Variants in NAALADL2 observed in about 807,000 individuals in gnomAD.
NAALADL2 encodes the protein inactive N-acetylated-alpha-linked acidic dipeptidase-like protein 2.
A neutral mutation model predicts 87.2 loss-of-function variants in NAALADL2; 76 were observed. The ratio of observed to expected loss-of-function variants is 0.87; its 90% CI spans 0.72 to 1.05. The LOEUF is 1.05. Ranked by LOEUF, NAALADL2 falls within the 50% of genes least tolerant of loss-of-function variation. NAALADL2 has a pLI of 0.00. For missense variants in NAALADL2, 1,089 were observed against 945.8 expected, an observed-to-expected ratio of 1.15 and a Z score of -1.99; for synonymous variants, 354 against 331.0, an observed-to-expected ratio of 1.07 and a Z score of -0.75.
At chr3:174,461,731 T>C (rs1329441299) in intron 1 of NAALADL2, among the ~76,000 whole-genome samples, 1 of 152,128 alleles carries the variant, frequency 6.6e-6, no homozygotes, top group Non-Finnish European at 1.5e-5. Context: ...CTTAACATGA[T>C]GCTCTTGATA....
intron 1 of NAALADL2, among the ~76,000 whole-genome samples, chr3:174,962,433 G>GACTATGACATA (rs1742244873): frequency 1.9e-5 from 1 of 52,242 alleles, no homozygotes; most frequent in African/African-American, 6.4e-5. Flanking sequence ...ATATATATAT[G>GACTATGACATA]TATATTTTTA....
At chr3:175,281,470 A>G (rs1754303526) in intron 4 of NAALADL2, among the ~76,000 whole-genome samples, 1 of 151,934 alleles carries the variant, frequency 6.6e-6, no homozygotes, top group African/African-American at 2.4e-5. Flanking sequence ...CACTTTATCC[A>G]AATTTATTGA....
chr3:175,259,973 A>T (rs2109880177), intron 4 of NAALADL2, among the ~76,000 whole-genome samples: 1 of 152,170 alleles, frequency 6.6e-6, no homozygotes, highest in Non-Finnish European at 1.5e-5. Flanking sequence ...GGTTGTAGTG[A>T]GCCAGGATTT....
intron 1 of NAALADL2, among the ~76,000 whole-genome samples, chr3:175,048,511 T>A (rs1203952305): frequency 7.0e-6 from 1 of 142,446 alleles, no homozygotes; most frequent in African/African-American, 2.9e-5. Context: ...TAAAACCATT[T>A]TTTTTTTTTT....
At chr3:174,885,305 T>A (rs1274604601) in intron 1 of NAALADL2, among the ~76,000 whole-genome samples, 2 of 152,118 alleles carry the variant, frequency 1.3e-5, no homozygotes, top group African/African-American at 4.8e-5. Flanking sequence ...GAGATAAGAC[T>A]CTCATTCAGG....
At chr3:174,728,788 C>T (rs959407609) in intron 2 of NAALADL2, among the ~76,000 whole-genome samples, 3 of 151,936 alleles carry the variant, frequency 2.0e-5, no homozygotes, top group African/African-American at 4.8e-5. Context: ...TTAAGTTATT[C>T]GACTGAGAAG....
At chr3:175,456,356 C>T (rs1722320863) in intron 6 of NAALADL2, among the ~76,000 whole-genome samples, 1 of 151,992 alleles carries the variant, frequency 6.6e-6, no homozygotes, top group Admixed American at 6.6e-5. Context: ...ATTTTTATAT[C>T]TTGAAATCTT....
chr3:174,724,855 T>A (rs1406461541), intron 2 of NAALADL2, among the ~76,000 whole-genome samples: 1 of 152,158 alleles, frequency 6.6e-6, no homozygotes, highest in Non-Finnish European at 1.5e-5. Context: ...ATGTATTATA[T>A]CATTTTTAGT....
intron 2 of NAALADL2, among the ~76,000 whole-genome samples, chr3:175,129,181 G>A (rs1040628001): frequency 1.3e-5 from 2 of 151,812 alleles, no homozygotes; most frequent in African/African-American, 4.8e-5. Context: ...CTGGCTTCAT[G>A]TGATCTTCCT....
chr3:174,580,267 T>A (rs1716015417), intron 2 of NAALADL2, among the ~76,000 whole-genome samples: 1 of 152,100 alleles, frequency 6.6e-6, no homozygotes, highest in Admixed American at 6.6e-5. Context: ...CGTTTTTTCA[T>A]GTGGAAAGGC....
chr3:175,723,076 A>G (rs184773753), intron 11 of NAALADL2, among the ~76,000 whole-genome samples: 2 of 152,118 alleles, frequency 1.3e-5, no homozygotes, highest in South Asian at 4.1e-4. Context: ...GGTTCTGCTG[A>G]GCCCCAGCGT....
chr3:175,113,439 T>G lies in NAALADL2; in HGVS notation c.545+16148T>G, dbSNP rs1345433862. On this transcript the variant is annotated intron_variant, in intron 2 of 13. Coordinates refer to ENST00000454872, the MANE Select transcript of NAALADL2 (RefSeq NM_207015.3). ...CAATTTTGATTAAAACTAAAATTCT[T>G]AGGTTTTAGAATAACAGCATCTGTG... is the stretch of plus-strand genomic sequence containing the variant. 2.6e-5 allele frequency among the ~76,000 whole-genome samples: 4 copies of G among 151,570 alleles called. No homozygotes were observed. In the South Asian group the frequency reaches 6.2e-4, roughly 24 times the overall value.
intron 2 of NAALADL2, among the ~76,000 whole-genome samples, chr3:174,613,480 T>G (rs1720145076): frequency 6.6e-6 from 1 of 152,180 alleles, no homozygotes; most frequent in Admixed American, 6.5e-5. Flanking sequence ...GTGGCTGAGC[T>G]GGCACTCAGA....
At chr3:175,457,738 G>T (rs1722534900) in intron 6 of NAALADL2, among the ~76,000 whole-genome samples, 1 of 147,672 alleles carries the variant, frequency 6.8e-6, no homozygotes, top group Admixed American at 6.9e-5. Context: ...GCTCAGGCTG[G>T]TCTCAAACTC....
At chr3:175,681,050 T>A (rs1735524838) in intron 11 of NAALADL2, among the ~76,000 whole-genome samples, 1 of 152,004 alleles carries the variant, frequency 6.6e-6, no homozygotes, top group Non-Finnish European at 1.5e-5. Context: ...GAGGTGGAGG[T>A]TGCCGTGAGC....
chr3:174,944,560 G>A (rs1203073320), intron 1 of NAALADL2, among the ~76,000 whole-genome samples: 1 of 152,112 alleles, frequency 6.6e-6, no homozygotes, highest in African/African-American at 2.4e-5. Flanking sequence ...TTAGCATCCT[G>A]GATTCAGCTT....
At chr3:175,297,192 C>A (rs905507643) in intron 4 of NAALADL2, among the ~76,000 whole-genome samples, 1 of 152,118 alleles carries the variant, frequency 6.6e-6, no homozygotes, top group African/African-American at 2.4e-5. Context: ...ACTATCTGGC[C>A]CTTGAAAGAA....
At chr3:175,446,492 T>C (rs559823338) in intron 5 of NAALADL2, among the ~76,000 whole-genome samples, 43 of 152,296 alleles carry the variant, frequency 2.8e-4, no homozygotes, top group Non-Finnish European at 5.0e-4. Context: ...TCCTCCCGCC[T>C]TGGCCTCCCA....
At chr3:174,516,918 AT>A (rs1363502639) in intron 1 of NAALADL2, among the ~76,000 whole-genome samples, 2 of 151,986 alleles carry the variant, frequency 1.3e-5, no homozygotes, top group Non-Finnish European at 2.9e-5. Context: ...TTTGGAAAAA[AT>A]AAATGACTTT....
Sources: allele counts gnomAD v4.1 joint callset (sites outside exome capture counted in the v4.1 genomes callset), GRCh38; gene constraint gnomAD v4.1.1; transcripts MANE v1.5; gene names NCBI Gene and HGNC (gene_info 2026-07-23, HGNC 2026-07-21).